GPR179: variants seen among roughly 807,000 people sequenced by gnomAD.
The protein encoded by GPR179 is G protein-coupled receptor 179.
A neutral mutation model predicts 70.8 loss-of-function variants in GPR179; 52 were observed. That is an observed-to-expected ratio of 0.73 (90% CI 0.59 to 0.93). The LOEUF is 0.93. Ranked by LOEUF, GPR179 falls within the 40% of genes least tolerant of loss-of-function variation. GPR179 has a pLI of 0.00. For synonymous variants in GPR179, 1,123 were observed against 1,169.0 expected, an observed-to-expected ratio of 0.96 and a Z score of 0.80; for missense variants, 2,734 against 2,966.8, an observed-to-expected ratio of 0.92 and a Z score of 1.82.
intron 4 of GPR179, among the ~76,000 whole-genome samples, chr17:38,336,770 G>C (rs1422195639): frequency 1.3e-5 from 2 of 152,192 alleles, no homozygotes; most frequent in African/African-American, 4.8e-5. Flanking sequence ...TACTCAACTA[G>C]CATTTATTGA....
chr17:38,329,727 T>C lies in GPR179; in HGVS notation c.3842A>G (p.Gln1281Arg). 6.2e-7 allele frequency: 1 copy of C among 1,614,208 alleles called. No homozygotes were observed. The highest frequency in any genetic ancestry group is 1.3e-5 in the African/African-American group (1 of 75,062). ...CTTTTTTTGGGAGTCACCTGGGTCTTGTCTTAGTGCCCTCGACTCTGGGGC... is the reference window on the plus strand; with the variant it reads ...CTTTTTTTGGGAGTCACCTGGGTCTCGTCTTAGTGCCCTCGACTCTGGGGC... Reference protein sequence around the residue: ...EGAPESRALRQDPGDSQKKRG... With the variant: ...EGAPESRALRRDPGDSQKKRG... The change falls in exon 11 of 11, where the codon CAA (glutamine) becomes CGA (arginine). Residue 1281 changes from glutamine to arginine, a missense_variant. Transcript: ENST00000616987.
rs764127663 is a variant in GPR179, at chr17:38,334,799, G to A, written c.1689C>T (p.Ala563=). 5 of 1,613,330 alleles carry A rather than the reference G, an allele frequency of 3.1e-6. No homozygotes were observed. Among genetic ancestry groups the A allele is most frequent in the South Asian group, 2.2e-5 (2 of 91,080 alleles). The change falls in exon 8 of 11, where the codon GCC becomes GCT. Residue 563 remains alanine (A), a synonymous_variant. Transcript: ENST00000616987. This position sits in a 1 kb window ranked among gnomAD's most constrained non-coding sequence, Gnocchi z 4.7. ...LLCWGSFLCY[A]TRAVLSAFHE... ...GGAAGGCCGAGAGCACAGCCCGTGTGGCGTAGCAGAGGAAGCTGCCCCAGC... is the reference window on the plus strand; with the variant it reads ...GGAAGGCCGAGAGCACAGCCCGTGTAGCGTAGCAGAGGAAGCTGCCCCAGC...
At chr17:38,336,882 A>AG (rs1372950052) in intron 4 of GPR179, 96 bp downstream of exon 4, 54 of 1,279,034 alleles carry the variant, frequency 4.2e-5, no homozygotes, top group Non-Finnish European at 5.7e-5. Flanking sequence ...AATCAAGATT[A>AG]GAACCAATTT....
In GPR179 at chr17:38,331,011, A is replaced by G; in HGVS notation, c.2558T>C (p.Met853Thr). 1.9e-6 allele frequency: 3 copies of G among 1,611,142 alleles called. No individual in the cohort carries two copies. The highest frequency in any genetic ancestry group is 1.1e-5 in the South Asian group (1 of 90,970). ...VASSREKALLMASQAYLEETY... is the reference protein window; with the variant it reads ...VASSREKALLTASQAYLEETY... Reference sequence around the variant, plus strand: ...CTCCTCCAGGTAGGCCTGGCTGGCCATGAGCAAGGCCTTTTCCCTGGAGCT... The same window carrying G: ...CTCCTCCAGGTAGGCCTGGCTGGCCGTGAGCAAGGCCTTTTCCCTGGAGCT... Residue 853 changes from methionine (M) to threonine (T), a missense_variant, in exon 11 of 11, where the codon ATG (methionine) becomes ACG (threonine). Transcript: ENST00000616987.
In GPR179 at chr17:38,334,860, G is replaced by A. The variant is rs2037389430; in HGVS notation, c.1646-18C>T. ...CAGCTCAGCTGTGGGGAGACAGGGAGGGAGAGAGCCGGCACCACCTCAGCA... is the reference window on the plus strand; with the variant it reads ...CAGCTCAGCTGTGGGGAGACAGGGAAGGAGAGAGCCGGCACCACCTCAGCA... On this transcript the variant is annotated intron_variant, in intron 7 of 10. Transcript: ENST00000616987. The surrounding 1 kb of genome is among the most constrained non-coding windows in gnomAD (Gnocchi z 4.7). 6.2e-7 allele frequency: 1 copy of A among 1,609,548 alleles called. No homozygotes were observed.
chr17:38,335,753 C>T, intron 5 of GPR179, 53 bp from the exon 6 acceptor site: 1 of 1,177,538 alleles, frequency 8.5e-7, no homozygotes, highest in South Asian at 1.2e-5. Flanking sequence ...TGCTGTGGGC[C>T]AGGCCTATGC....
rs2037288317 is a variant in GPR179, at chr17:38,326,633, T to C, written c.6936A>G (p.Leu2312=). 1 of 1,614,130 alleles carries C rather than the reference T, an allele frequency of 6.2e-7. No homozygotes were observed. The highest frequency in any genetic ancestry group is 1.3e-5 in the African/African-American group (1 of 74,942). ...STFTLEGVRE[L]QGPSGLEPRT... The stretch of plus-strand genomic sequence containing the variant: ...TTGGCTCAAGCCCTGAAGGTCCTTG[T>C]AGTTCTCTGACACCTTCTAGAGTGA... Residue 2312 remains leucine, a synonymous_variant, in exon 11 of 11, where the codon CTA becomes CTG. Coordinates refer to ENST00000616987, the MANE Select transcript of GPR179 (RefSeq NM_001004334.4).
rs72832276 is a variant in GPR179 at position 38,328,184 on chromosome 17, G to A, written c.5385C>T (p.Gly1795=). ...AGGGACACACTTCACCTGGCCTGCA[G>A]CCCATATGATCCAGTTCCTGGAACC... ...KAGFQELDHM[G]CRPGEVCPWE... Residue 1795 remains glycine, a synonymous_variant, in exon 11 of 11, where the codon GGC becomes GGT. Coordinates refer to ENST00000616987, the MANE Select transcript of GPR179 (RefSeq NM_001004334.4). The A allele has an allele frequency of 0.022, 35,648 of 1,612,466 alleles. 454 individuals carry two copies. The highest frequency in any genetic ancestry group is 0.026 in the Non-Finnish European group (30,792 of 1,179,762).
At position 38,337,706 on chromosome 17, in the gene GPR179, C is replaced by T. The variant is rs764491514; in HGVS notation, c.918G>A (p.Glu306=). ...AGCGGCCAAGAACAAAGCCCTGACT[C>T]TCCAGGGGGACACACTATGGGGACA... ...DLNSTQCVPL[E]SQGFVLGRYL... is the part of the protein sequence containing the mutation. Residue 306 remains glutamate (E), a synonymous_variant, in exon 3 of 11, where the codon GAG becomes GAA. Transcript: ENST00000616987. 1 of 1,613,642 alleles carries T rather than the reference C, an allele frequency of 6.2e-7. No homozygotes were observed. Among genetic ancestry groups the T allele is most frequent in the Non-Finnish European group, 8.5e-7 (1 of 1,179,832 alleles).
At position 38,337,633 on chromosome 17, in the gene GPR179, C is replaced by T. The variant is rs767176490; in HGVS notation, c.991G>A (p.Gly331Arg). 6 of 1,607,868 alleles carry T rather than the reference C, an allele frequency of 3.7e-6. No individual in the cohort carries two copies. The South Asian group carries it at 4.4e-5, about 12-fold the overall frequency. Residue 331 changes from glycine to arginine, a missense_variant and splice_region_variant, in exon 3 of 11, where the codon GGG becomes AGG. Physicochemically the swap from Gly to Arg is moderately radical, Grantham distance 125. Coordinates refer to ENST00000616987, the MANE Select transcript of GPR179 (RefSeq NM_001004334.4). ...PGFYGASPSG[G>R]LEESDFQTTG... is the part of the protein sequence containing the mutation. Reference sequence around the variant, plus strand: ...CCTGGCCCCCACCACACTTACATACCCCCAGAGGGGCTTGCCCCGTAGAAT... The same window carrying T: ...CCTGGCCCCCACCACACTTACATACTCCCAGAGGGGCTTGCCCCGTAGAAT...
rs60359533 is a variant in GPR179, at chr17:38,336,232, C to T, written c.1228-88G>A. ...CCTATGTGAACGGTCACTCAGTGAC[C>T]CTGAGCTAAGGCTTCACCCTGTAAC... is the stretch of plus-strand genomic sequence containing the variant. On this transcript the variant is annotated intron_variant, in intron 4 of 10. Transcript: ENST00000616987. 1,134 of 906,730 alleles carry T rather than the reference C, an allele frequency of 1.3e-3. 25 individuals are homozygous for T. In the East Asian group the frequency reaches 0.027, roughly 22 times the overall value. 56.2% of individuals were successfully genotyped at this position (906,730 alleles called of 1,614,324 possible).
Position 38,333,920 on chromosome 17 carries a change from G to A in GPR179, c.1890+13C>T. ...CTGGGGTCCACCTCACAGGCAGGAG[G>A]GGAGGGCCTCACCTTAGGGATGAAG... On this transcript the variant is annotated intron_variant, in intron 9 of 10. Coordinates refer to ENST00000616987, the MANE Select transcript of GPR179 (RefSeq NM_001004334.4). The A allele has an allele frequency of 1.3e-6, 2 of 1,597,024 alleles. No homozygotes were observed. Among genetic ancestry groups the A allele is most frequent in the South Asian group, 2.2e-5 (2 of 90,408 alleles).
intron 1 of GPR179, 131 bp from the exon 2 acceptor site, chr17:38,339,656 T>C (rs2037433929): frequency 1.5e-5 from 10 of 659,892 alleles, no homozygotes; most frequent in South Asian, 1.4e-4. Flanking sequence ...GACTTTGAAC[T>C]AAAGGAGATT....
intron 4 of GPR179, among the ~76,000 whole-genome samples, chr17:38,336,444 G>A (rs1249313486): frequency 2.6e-5 from 4 of 152,254 alleles, no homozygotes; most frequent in Admixed American, 2.6e-4. Flanking sequence ...GGAGCTGGAA[G>A]GGATCTCATG....
At position 38,327,111 on chromosome 17, in the gene GPR179, C is replaced by T; in HGVS notation, c.6458G>A (p.Gly2153Glu). The change falls in exon 11 of 11, where the codon GGA becomes GAA. Residue 2153 changes from glycine (G) to glutamate (E), a missense_variant. Gly to Glu is a moderately conservative substitution (Grantham distance 98). Coordinates refer to ENST00000616987, the MANE Select transcript of GPR179 (RefSeq NM_001004334.4). ...TCCTGCCTTCTGAAGGAACATCTCT[C>T]CTTGCCCTTGTGATTCTCTTTCCTG... is the stretch of plus-strand genomic sequence containing the variant. ...GEQERESQGQ[G>E]EMFLQKAGPG... 6.2e-7 allele frequency: 1 copy of T among 1,614,242 alleles called. No homozygotes were observed. Among genetic ancestry groups the T allele is most frequent in the African/African-American group, 1.3e-5 (1 of 75,068 alleles).
intron 10 of GPR179, 24 bp from the exon 11 acceptor site, chr17:38,331,555 C>A: frequency 6.3e-7 from 1 of 1,576,680 alleles, no homozygotes; most frequent in Non-Finnish European, 8.6e-7. Context: ...GGGAGGAAAG[C>A]AGGGCTGCAG....
In GPR179 at chr17:38,343,056, C is replaced by T; in HGVS notation, c.734G>A (p.Trp245Ter). ...ECQEGRLRPG[W>*]LITLSATFYG... is the part of the protein sequence containing the mutation. ...GAAGGTGGCAGAGAGTGTGATCAGC[C>T]ATCCAGGTCGGAGCCGTCCCTCCTG... The change falls in exon 1 of 11, where the codon TGG becomes TAG. Residue 245 changes from tryptophan (W) to a stop codon, truncating the protein, a stop_gained. Coordinates refer to ENST00000616987, the MANE Select transcript of GPR179 (RefSeq NM_001004334.4). LOFTEE classifies it high-confidence loss of function. This position sits in a 1 kb window ranked among gnomAD's most constrained non-coding sequence, Gnocchi z 4.2. The T allele has an allele frequency of 6.2e-7, 1 of 1,613,892 alleles. No homozygotes were observed. The highest frequency in any genetic ancestry group is 8.5e-7 in the Non-Finnish European group (1 of 1,179,844).
rs1163932054 is a variant in GPR179 at position 38,329,296 on chromosome 17, C to T, written c.4273G>A (p.Glu1425Lys). ...GTACTCTCCCATGGACAAAGAGACT[C>T]CAAGTCTCCTCCCGGTTTCTGTTCT... is the stretch of plus-strand genomic sequence containing the variant. ...WKEQKPGGDL[E>K]SLCPWESTDF... The change falls in exon 11 of 11, where the codon GAG becomes AAG. Residue 1425 changes from glutamate to lysine, a missense_variant. By Grantham distance (56) the Glu-to-Lys change is moderately conservative. Coordinates refer to ENST00000616987, the MANE Select transcript of GPR179 (RefSeq NM_001004334.4). 13 of 1,612,758 alleles carry T rather than the reference C, an allele frequency of 8.1e-6. No individual in the cohort carries two copies. The highest frequency in any genetic ancestry group is 1.1e-5 in the Non-Finnish European group (13 of 1,179,510).
rs1404190600 is a variant in GPR179, at chr17:38,329,916, G to A, written c.3653C>T (p.Thr1218Ile). 1.9e-6 allele frequency: 3 copies of A among 1,614,118 alleles called. No individual in the cohort carries two copies. The highest frequency in any genetic ancestry group is 1.7e-5 in the Admixed American group (1 of 60,010). Reference sequence around the variant, plus strand: ...GGGCAGTTCCTGCCACCCGACAGGGGTTTCTTTTGATTGCTTGATGTTTTT... The same window carrying A: ...GGGCAGTTCCTGCCACCCGACAGGGATTTCTTTTGATTGCTTGATGTTTTT... ...RDKNIKQSKETPVGWQELPKA... is the reference protein window; with the variant it reads ...RDKNIKQSKEIPVGWQELPKA... Residue 1218 changes from threonine (T) to isoleucine (I), a missense_variant, in exon 11 of 11, where the codon ACC (threonine) becomes ATC (isoleucine). Transcript: ENST00000616987.
Sources: allele counts gnomAD v4.1 joint callset (sites outside exome capture counted in the v4.1 genomes callset), GRCh38; gene constraint gnomAD v4.1.1; non-coding constraint Gnocchi (gnomAD v3.1); transcripts MANE v1.5; gene names NCBI Gene and HGNC (gene_info 2026-07-23, HGNC 2026-07-21).